The following SHC4 variants were observed in gnomAD, a reference collection of about 807,000 sequenced individuals.
The protein encoded by SHC4 is SHC adaptor protein 4, also known as SHC-transforming protein 4.
In SHC4, 41 loss-of-function variants were observed where a neutral mutation model predicts 69.4. That is an observed-to-expected ratio of 0.59 (90% CI 0.46 to 0.77). The LOEUF is 0.77. Among genes scored for constraint, SHC4 ranks in the 30% least tolerant of loss-of-function variants. The pLI is 0.00. For synonymous variants in SHC4, 318 were observed against 299.3 expected (o/e 1.06, Z -0.64); for missense variants, 777 against 783.8 (o/e 0.99, Z 0.10).
chr15:48,832,039 G>C (rs1187384218), intron 11 of SHC4, among the ~76,000 whole-genome samples: 1 of 152,228 alleles, frequency 6.6e-6, no homozygotes, highest in Non-Finnish European at 1.5e-5. Flanking sequence ...GGGAGGCCAA[G>C]GCAGGTGGAT....
intron 10 of SHC4, among the ~76,000 whole-genome samples, chr15:48,842,758 C>T (rs1230135284): frequency 6.6e-6 from 1 of 152,110 alleles, no homozygotes; most frequent in African/African-American, 2.4e-5. Context: ...AGATGACACC[C>T]TGTGTTTACA....
intron 2 of SHC4, among the ~76,000 whole-genome samples, chr15:48,896,921 C>T (rs1900233260): frequency 6.6e-6 from 1 of 152,160 alleles, no homozygotes; most frequent in African/African-American, 2.4e-5. Flanking sequence ...ACTTTCAGTG[C>T]TTTTCTGGAG....
In SHC4 at chr15:48,823,876, G is replaced by T. The variant is rs1898643579; in HGVS notation, c.*2095C>A. ...GACATTCCTTTTATTGTTTCCTTTT[G>T]CTTTAACTGTGTCTGTGGTATTTTT... On this transcript the variant is annotated 3_prime_UTR_variant, in exon 12 of 12. Transcript: ENST00000332408. The T allele has an allele frequency of 6.6e-6, 1 of 152,098 alleles. No individual in the cohort carries two copies. The highest frequency in any genetic ancestry group is 1.5e-5 in the Non-Finnish European group (1 of 67,996). 9.4% of individuals were successfully genotyped at this position (152,098 alleles called of 1,614,324 possible).
intron 4 of SHC4, chr15:48,876,858 T>C (rs1899811005): frequency 3.7e-6 from 1 of 270,562 alleles, no homozygotes; most frequent in Non-Finnish European, 7.2e-6. Flanking sequence ...CAATGATCAA[T>C]ACTTGTATCC....
rs373242461 is a variant in SHC4, at chr15:48,861,886, A to G, written c.947-4071T>C. 9.0e-4 allele frequency among the ~76,000 whole-genome samples: 137 copies of G among 152,356 alleles called. 5 individuals are homozygous for G. In the South Asian group the frequency reaches 0.027, roughly 30 times the overall value. On this transcript the variant is annotated intron_variant, in intron 6 of 11. Transcript: ENST00000332408. ...GGATTACAACTATTACTAAAGGATA[A>G]CAGACACTTCTTTACTACTTTTATA...
At chr15:48,955,132 C>A (rs1287899333) in intron 1 of SHC4, among the ~76,000 whole-genome samples, 2 of 152,118 alleles carry the variant, frequency 1.3e-5, no homozygotes, top group East Asian at 3.9e-4. Context: ...GTACTCTGTC[C>A]CTTTGCGTAA....
chr15:48,954,361 A>AT (rs1207853303), intron 1 of SHC4, among the ~76,000 whole-genome samples: 4 of 152,198 alleles, frequency 2.6e-5, no homozygotes, highest in Admixed American at 2.6e-4. Context: ...GCAGAATCAC[A>AT]TAAGCAGTTT....
At chr15:48,922,473 G>T (rs530833417) in intron 2 of SHC4, among the ~76,000 whole-genome samples, 81 of 152,310 alleles carry the variant, frequency 5.3e-4, no homozygotes, top group African/African-American at 1.9e-3. Flanking sequence ...GGCACCAGTA[G>T]ATCTGGTGTG....
intron 1 of SHC4, among the ~76,000 whole-genome samples, chr15:48,953,725 G>A (rs1440448125): frequency 6.6e-6 from 1 of 152,134 alleles, no homozygotes; most frequent in Non-Finnish European, 1.5e-5. Flanking sequence ...CACAGAAAAA[G>A]AAAGTAAGCT....
intron 2 of SHC4, among the ~76,000 whole-genome samples, chr15:48,906,683 A>G (rs184898469): frequency 3.3e-5 from 5 of 152,326 alleles, no homozygotes; most frequent in Admixed American, 1.3e-4. Flanking sequence ...TCCTGCTGCC[A>G]AGGCCTCAGA....
chr15:48,925,449 G>A (rs1271153524), intron 1 of SHC4, among the ~76,000 whole-genome samples: 1 of 152,224 alleles, frequency 6.6e-6, no homozygotes, highest in Non-Finnish European at 1.5e-5. Flanking sequence ...AAATAAATGT[G>A]AGATAGAGAA....
chr15:48,834,712 AG>A, intron 11 of SHC4, 56 bp downstream of exon 11: 1 of 1,587,564 alleles, frequency 6.3e-7, no homozygotes, highest in South Asian at 1.2e-5. Context: ...GAAATCATTC[AG>A]GGTATGCTTA....
At chr15:48,890,937 G>A in intron 2 of SHC4, 126 bp from the exon 3 acceptor site, 2 of 983,360 alleles carry the variant, frequency 2.0e-6, no homozygotes, top group East Asian at 2.6e-5. Flanking sequence ...TAACACAAAT[G>A]GTATTCTCCC....
intron 6 of SHC4, among the ~76,000 whole-genome samples, chr15:48,864,751 A>G (rs185981791): frequency 4.0e-4 from 61 of 152,182 alleles, no homozygotes; most frequent in African/African-American, 1.1e-3. Flanking sequence ...CCGGCCTCCA[A>G]TACCACTTTT....
At chr15:48,852,442 T>C (rs1595732254) in intron 8 of SHC4, among the ~76,000 whole-genome samples, 2 of 152,224 alleles carry the variant, frequency 1.3e-5, no homozygotes, top group Non-Finnish European at 2.9e-5. Flanking sequence ...TGAGATGGTA[T>C]GTGAGTGTTC....
intron 9 of SHC4, among the ~76,000 whole-genome samples, chr15:48,844,590 T>G (rs1899052889): frequency 1.3e-5 from 2 of 152,190 alleles, no homozygotes; most frequent in South Asian, 2.1e-4. Context: ...CCAGAATAGA[T>G]CTCTGCTTTC....
rs367741948 is a variant in SHC4 at position 48,890,676 on chromosome 15, C to G, written c.720+72G>C. 77 of 1,574,968 alleles carry G rather than the reference C, an allele frequency of 4.9e-5. No individual in the cohort carries two copies. In the East Asian group the frequency reaches 1.1e-3, roughly 22 times the overall value. ...GACCTTGGTCATATGGTGGGATGAA[C>G]GAACAGCGATTTTCATACTATCTTT... On this transcript the variant is annotated intron_variant, in intron 3 of 11. Transcript: ENST00000332408.
chr15:48,877,939 C>T, intron 4 of SHC4: 1 of 475,040 alleles, frequency 2.1e-6, no homozygotes, highest in Non-Finnish European at 3.7e-6. Context: ...CATGCAGGGT[C>T]CCTAGATACG....
chr15:48,844,413 C>G, intron 9 of SHC4, among the ~76,000 whole-genome samples: 1 of 152,186 alleles, frequency 6.6e-6, no homozygotes, highest in Non-Finnish European at 1.5e-5. Flanking sequence ...TCTCTCCTCC[C>G]CAGCCTCTGT....
Sources: allele counts gnomAD v4.1 joint callset (sites outside exome capture counted in the v4.1 genomes callset), GRCh38; gene constraint gnomAD v4.1.1; transcripts MANE v1.5; gene names NCBI Gene and HGNC (gene_info 2026-07-23, HGNC 2026-07-21).